The following ZFHX4 variants were observed in gnomAD, a reference collection of about 807,000 sequenced individuals.
The protein encoded by ZFHX4 is zinc finger homeobox protein 4.
Under a neutral mutation model 267.6 loss-of-function variants are expected in ZFHX4, and 56 were observed. That is an observed-to-expected ratio of 0.21 (90% CI 0.17 to 0.26). The LOEUF (loss-of-function observed/expected upper bound fraction) is 0.26, where lower values mean the gene tolerates loss of function less well. ZFHX4 is among the 10% of genes least tolerant of loss of function. The pLI is 1.00. For synonymous variants in ZFHX4, 1,778 were observed against 1,665.6 expected (o/e 1.07, Z -1.64); for missense variants, 4,332 against 4,420.0 (o/e 0.98, Z 0.56).
chr8:76,713,450 T>C (rs1808482648), intron 3 of ZFHX4, among the ~76,000 whole-genome samples: 2 of 152,174 alleles, frequency 1.3e-5, no homozygotes, highest in East Asian at 1.9e-4. Context: ...CCAGACAAAA[T>C]TTAAAGAAAG....
rs1417296982 is a variant in ZFHX4, at chr8:76,865,543, T to G, written c.*978T>G. Reference sequence around the variant, plus strand: ...TGTGTAGTGCAGCAACAGTTTGGTCTGCATTTGTTAGAAGTTTAACTCCTA... The same window carrying G: ...TGTGTAGTGCAGCAACAGTTTGGTCGGCATTTGTTAGAAGTTTAACTCCTA... On this transcript the variant is annotated 3_prime_UTR_variant, in exon 11 of 11. Transcript: ENST00000651372. The G allele has an allele frequency of 1.3e-5, 2 of 152,578 alleles. No individual in the cohort carries two copies. Among genetic ancestry groups the G allele is most frequent in the Non-Finnish European group, 2.9e-5 (2 of 68,030 alleles). 9.5% of individuals were successfully genotyped at this position (152,578 alleles called of 1,614,324 possible). A position where few individuals can be genotyped will look rare whatever the true frequency, so the allele number is the denominator to read the frequency against.
At chr8:76,721,463 A>T (rs1808719734) in intron 3 of ZFHX4, among the ~76,000 whole-genome samples, 1 of 152,166 alleles carries the variant, frequency 6.6e-6, no homozygotes, top group Non-Finnish European at 1.5e-5. Flanking sequence ...AAAGGGAAAA[A>T]CTGGAGAGCT....
Position 76,853,083 on chromosome 8 carries a change from TCC to T in ZFHX4, c.6169_6170del (p.Pro2057ThrfsTer82). On this transcript the variant is annotated frameshift_variant, in exon 10 of 11. Coordinates refer to ENST00000651372, the MANE Select transcript of ZFHX4 (RefSeq NM_024721.5). LOFTEE classifies it high-confidence loss of function. ...CACCACCTCCTCCTCCTCCTCCTCC[TCC>T]CCCCCCACCTCCTCCACCTTCTGCT... is the stretch of plus-strand genomic sequence containing the variant. ...PPPPPPPPPP[P>X]PPPPPPSAPP... The T allele has an allele frequency of 6.5e-6, 2 of 309,562 alleles. No individual in the cohort carries two copies. Among genetic ancestry groups the T allele is most frequent in the Non-Finnish European group, 1.1e-5 (2 of 178,938 alleles). The allele number at this position is 309,562 out of a possible 1,614,324, so 19.2% of individuals were successfully genotyped here.
In ZFHX4 at chr8:76,835,251, A is replaced by ATG. The variant is rs1289035835; in HGVS notation, c.3394+1846_3394+1847insGT. On this transcript the variant is annotated intron_variant, in intron 5 of 10. Transcript: ENST00000651372. Reference sequence around the variant, plus strand: ...TATATATATATATATGTATATATATATATATATATTCATACATATATTTGT... The same window carrying ATG: ...TATATATATATATATGTATATATATATGTATATATATTCATACATATATTTGT... 6.4e-4 allele frequency among the ~76,000 whole-genome samples: 53 copies of ATG among 82,610 alleles called. 1 individual carries two copies. In the South Asian group the frequency reaches 0.014, roughly 22 times the overall value. The allele number at this position is 82,610 out of a possible 152,430, so 54.2% of individuals were successfully genotyped here.
Position 76,851,430 on chromosome 8 carries a change from A to G in ZFHX4, c.4509A>G (p.Gly1503=). The G allele has an allele frequency of 6.2e-7, 1 of 1,613,880 alleles. No homozygotes were observed. The highest frequency in any genetic ancestry group is 8.5e-7 in the Non-Finnish European group (1 of 1,179,860). Residue 1503 remains glycine, a synonymous_variant, in exon 10 of 11, where the codon GGA becomes GGG. Transcript: ENST00000651372. Reference sequence around the variant, plus strand: ...ACGAAGGGAAAGCAAGTCCTGTAGGAAGTGATAGTAGCTCTATTCCAGATG... The same window carrying G: ...ACGAAGGGAAAGCAAGTCCTGTAGGGAGTGATAGTAGCTCTATTCCAGATG... The part of the protein sequence containing the change: ...VDHEGKASPV[G]SDSSSIPDDM...
chr8:76,803,547 A>G (rs940776020), intron 4 of ZFHX4, among the ~76,000 whole-genome samples: 1 of 152,124 alleles, frequency 6.6e-6, no homozygotes, highest in Non-Finnish European at 1.5e-5. Context: ...GTAGTGGAGG[A>G]CAGTGTAGTC....
chr8:76,858,543 C>A (rs1489064656), intron 10 of ZFHX4, among the ~76,000 whole-genome samples: 1 of 152,182 alleles, frequency 6.6e-6, no homozygotes, highest in Non-Finnish European at 1.5e-5. Flanking sequence ...ATTAACACAG[C>A]AGAATTACCA....
intron 4 of ZFHX4, among the ~76,000 whole-genome samples, chr8:76,800,417 G>A (rs1811089302): frequency 6.6e-6 from 1 of 152,234 alleles, no homozygotes; most frequent in South Asian, 2.1e-4. Context: ...CCTCAGGAGC[G>A]AACTGAAAGG....
rs117475659 is a variant in ZFHX4 at position 76,772,139 on chromosome 8, G to T, written c.3094-6069G>T. Among the ~76,000 whole-genome samples the T allele has an allele frequency of 1.1e-3, 169 of 152,196 alleles. 2 individuals carry two copies. The East Asian group carries it at 0.03, about 27-fold the overall frequency. ...GCCATATTGTGGAGATTTAATAAAA[G>T]AACGTTATGGAAGGCATTTAGAACA... On this transcript the variant is annotated intron_variant, in intron 3 of 10. Coordinates refer to ENST00000651372, the MANE Select transcript of ZFHX4 (RefSeq NM_024721.5).
At chr8:76,729,479 A>G (rs545047683) in intron 3 of ZFHX4, among the ~76,000 whole-genome samples, 2 of 152,250 alleles carry the variant, frequency 1.3e-5, no homozygotes, top group Admixed American at 6.5e-5. Context: ...CTTTTTGTAC[A>G]AAATATCTAA....
At chr8:76,804,870 T>G in intron 4 of ZFHX4, among the ~76,000 whole-genome samples, 1 of 152,030 alleles carries the variant, frequency 6.6e-6, no homozygotes, top group East Asian at 1.9e-4. Flanking sequence ...ACTCACTGGG[T>G]TAGATCGAAG....
At chr8:76,740,685 G>C (rs1000810882) in intron 3 of ZFHX4, among the ~76,000 whole-genome samples, 2 of 152,138 alleles carry the variant, frequency 1.3e-5, no homozygotes, top group African/African-American at 4.8e-5. Flanking sequence ...GGTAAAGAAA[G>C]TCAGAAGAGT....
intron 4 of ZFHX4, among the ~76,000 whole-genome samples, chr8:76,826,693 A>T (rs1433083494): frequency 6.6e-6 from 1 of 152,184 alleles, no homozygotes; most frequent in East Asian, 1.9e-4. Context: ...GTTGCCAGGG[A>T]CTGAGGGGTA....
At chr8:76,740,060 T>A (rs1426896871) in intron 3 of ZFHX4, among the ~76,000 whole-genome samples, 1 of 152,174 alleles carries the variant, frequency 6.6e-6, no homozygotes, top group Non-Finnish European at 1.5e-5. Context: ...CATTTATATA[T>A]GGTGTATATG....
intron 5 of ZFHX4, among the ~76,000 whole-genome samples, chr8:76,841,823 A>G: frequency 6.6e-6 from 1 of 152,200 alleles, no homozygotes; most frequent in East Asian, 1.9e-4. Flanking sequence ...AAAATTCATT[A>G]AAATGTGACA....
intron 4 of ZFHX4, among the ~76,000 whole-genome samples, chr8:76,826,794 A>G (rs1008825419): frequency 1.3e-5 from 2 of 152,228 alleles, no homozygotes; most frequent in African/African-American, 2.4e-5. Flanking sequence ...CATTATACCT[A>G]TAGGCAACAA....
chr8:76,851,871 A>G lies in ZFHX4; in HGVS notation c.4950A>G (p.Leu1650=). 6.2e-7 allele frequency: 1 copy of G among 1,613,988 alleles called. No homozygotes were observed. Among genetic ancestry groups the G allele is most frequent in the Non-Finnish European group, 8.5e-7 (1 of 1,179,876 alleles). Residue 1650 remains leucine (L), a synonymous_variant, in exon 10 of 11, where the codon TTA becomes TTG. Coordinates refer to ENST00000651372, the MANE Select transcript of ZFHX4 (RefSeq NM_024721.5). ...ANVNSPGQGM[L]DSMSLAAVNS... ...TCAACAGCCCTGGCCAGGGGATGTT[A>G]GATTCCATGAGTTTAGCAGCTGTAA...
At chr8:76,813,606 C>A (rs2131849167) in intron 4 of ZFHX4, among the ~76,000 whole-genome samples, 1 of 152,224 alleles carries the variant, frequency 6.6e-6, no homozygotes, top group South Asian at 2.1e-4. Context: ...GCTTTGCATA[C>A]TGGAACTTTT....
chr8:76,714,452 C>T (rs975220331), intron 3 of ZFHX4, among the ~76,000 whole-genome samples: 4 of 152,128 alleles, frequency 2.6e-5, no homozygotes, highest in Admixed American at 2.6e-4. Context: ...GTGCTTTCTG[C>T]CTGCCCCCCA....
Sources: gnomAD v4.1 joint callset for allele counts (sites outside exome capture counted in the v4.1 genomes callset) on GRCh38, gnomAD v4.1.1 for gene constraint, MANE v1.5 for transcripts, NCBI Gene and HGNC (gene_info 2026-07-23, HGNC 2026-07-21) for gene names.